Variants in MTERF3 observed in about 807,000 individuals in gnomAD.
MTERF3 encodes the protein transcription termination factor 3, mitochondrial.
In MTERF3, 40 loss-of-function variants were observed where a neutral mutation model predicts 40.5. That is an observed-to-expected ratio of 0.99 (90% CI 0.77 to 1.29). The LOEUF is 1.29. Ranked by LOEUF, MTERF3 falls within the 50% of genes most tolerant of loss-of-function variation. MTERF3 has a pLI of 0.00. For synonymous variants in MTERF3, 158 were observed against 166.6 expected (o/e 0.95, Z 0.40); for missense variants, 452 against 478.2 (o/e 0.95, Z 0.51).
At chr8:96,252,500 G>T (rs1411818781) in intron 3 of MTERF3, among the ~76,000 whole-genome samples, 1 of 152,198 alleles carries the variant, frequency 6.6e-6, no homozygotes, top group Non-Finnish European at 1.5e-5. Flanking sequence ...GGTCTGGAAA[G>T]CTATTCCACA....
intron 7 of MTERF3, 117 bp from the exon 8 acceptor site, chr8:96,239,802 CAGTA>C (rs1477776441): frequency 2.7e-6 from 2 of 743,072 alleles, no homozygotes; most frequent in East Asian, 5.3e-5. Context: ...ACCATGTGTT[CAGTA>C]AGTAGGATAA....
chr8:96,259,283 T>C (rs1810337601), intron 1 of MTERF3, among the ~76,000 whole-genome samples: 1 of 152,258 alleles, frequency 6.6e-6, no homozygotes, highest in Non-Finnish European at 1.5e-5. Context: ...TTCTCAGGGC[T>C]GAACACTGTT....
At chr8:96,241,203 A>G (rs1288724299) in intron 7 of MTERF3, among the ~76,000 whole-genome samples, 1 of 152,076 alleles carries the variant, frequency 6.6e-6, no homozygotes, top group East Asian at 1.9e-4. Context: ...CGAAGTCAAG[A>G]GTTTGAGACC....
rs983153830 is a variant in MTERF3 at position 96,255,660 on chromosome 8, C to G, written c.487+1302G>C. Among the ~76,000 whole-genome samples, 13 of 148,454 alleles carry G rather than the reference C, an allele frequency of 8.8e-5. No individual in the cohort carries two copies. The South Asian group carries it at 2.8e-3, about 32-fold the overall frequency. ...TGAAGAAAAAAAAAAAAAAAAAAAT[C>G]AAGGATGACCCCCAAAGTTTCTAAC... On this transcript the variant is annotated intron_variant, in intron 3 of 7. Transcript: ENST00000287025.
intron 6 of MTERF3, among the ~76,000 whole-genome samples, 193 bp from the exon 7 acceptor site, chr8:96,244,273 T>C (rs1049955018): frequency 6.6e-6 from 1 of 152,022 alleles, no homozygotes; most frequent in Admixed American, 6.6e-5. Flanking sequence ...CACACCTGGC[T>C]AATTCTTGTA....
At chr8:96,249,337 G>C (rs971128915) in intron 4 of MTERF3, among the ~76,000 whole-genome samples, 2 of 152,118 alleles carry the variant, frequency 1.3e-5, no homozygotes, top group African/African-American at 2.4e-5. Flanking sequence ...TGCTTTCTTG[G>C]AATAAATCTT....
At chr8:96,239,398 A>G, downstream of MTERF3, 1 of 995,388 alleles carries the variant, frequency 1.0e-6, no homozygotes, top group Admixed American at 3.4e-5. Flanking sequence ...AATGGTTTCC[A>G]ATATCAGTTG....
intron 2 of MTERF3, chr8:96,258,154 A>G (rs1198222431): frequency 1.3e-6 from 1 of 759,450 alleles, no homozygotes; most frequent in Non-Finnish European, 1.6e-6. Context: ...TAGCTATAAA[A>G]TAATCTTACA....
In MTERF3 at chr8:96,250,671, GAAGA is replaced by G. The variant is rs1563549005; in HGVS notation, c.677+231_677+234del. ...AGAAGAAGAAGAAGAAGAAGAAGAA[GAAGA>G]AGAAGAAGGAGGAGGAGGAGGGGGG... On this transcript the variant is annotated intron_variant, in intron 4 of 7. Transcript: ENST00000287025. Among the ~76,000 whole-genome samples the G allele has an allele frequency of 8.9e-3, 377 of 42,284 alleles. 81 individuals are homozygous for G. Among genetic ancestry groups the G allele is most frequent in the African/African-American group, 0.037 (351 of 9,434 alleles). 27.7% of individuals were successfully genotyped at this position (42,284 alleles called of 152,430 possible). A position where few individuals can be genotyped will look rare whatever the true frequency, so the allele number is the denominator to read the frequency against.
At position 96,246,414 on chromosome 8, in the gene MTERF3, C is replaced by T. The variant is rs563171694; in HGVS notation, c.718G>A (p.Val240Ile). The T allele has an allele frequency of 6.2e-7, 1 of 1,612,180 alleles. No homozygotes were observed. The highest frequency in any genetic ancestry group is 1.1e-5 in the South Asian group (1 of 90,804). The part of the protein sequence containing the change: ...LHSKNFSKAD[V>I]AQMVRKAPFL... ...GGTGCTTTTCTGACCATCTGTGCAA[C>T]ATCTGCTTTACTGAAATTTTTTGAA... is the stretch of plus-strand genomic sequence containing the variant. The change falls in exon 5 of 8, where the codon GTT becomes ATT. Residue 240 changes from valine to isoleucine, a missense_variant. Transcript: ENST00000287025.
chr8:96,259,913 ATTT>A (rs962074104), intron 1 of MTERF3, among the ~76,000 whole-genome samples: 27 of 150,396 alleles, frequency 1.8e-4, no homozygotes, highest in South Asian at 2.1e-4. Context: ...TATTATTATT[ATTT>A]TTTTTGAGAC....
intron 2 of MTERF3, chr8:96,257,339 C>T (rs915551926): frequency 2.7e-6 from 1 of 372,970 alleles, no homozygotes; most frequent in African/African-American, 2.1e-5. Flanking sequence ...TGGTAAATTT[C>T]AAAGCACACA....
chr8:96,255,669 C>A (rs1378217824), intron 3 of MTERF3, among the ~76,000 whole-genome samples: 1 of 151,150 alleles, frequency 6.6e-6, no homozygotes, highest in Non-Finnish European at 1.5e-5. Flanking sequence ...TCAAGGATGA[C>A]CCCCAAAGTT....
Position 96,258,389 on chromosome 8 carries a change from A to G in MTERF3, c.302T>C (p.Ile101Thr), listed in dbSNP as rs767538840. Reference sequence around the variant, plus strand: ...AAACAGCTCAGAATCAAAGCTGGATATATTTTGTGTCTTCTGTGACTGTTC... The same window carrying G: ...AAACAGCTCAGAATCAAAGCTGGATGTATTTTGTGTCTTCTGTGACTGTTC... ...MNEQSQKTQN[I>T]SSFDSELFLE... is the part of the protein sequence containing the mutation. Residue 101 changes from isoleucine to threonine, a missense_variant, in exon 2 of 8, where the codon ATA (isoleucine) becomes ACA (threonine). Ile to Thr is a moderately conservative substitution (Grantham distance 89). Transcript: ENST00000287025. 3.7e-6 allele frequency: 6 copies of G among 1,613,400 alleles called. No individual in the cohort carries two copies. The highest frequency in any genetic ancestry group is 5.1e-6 in the Non-Finnish European group (6 of 1,179,398).
intron 7 of MTERF3, among the ~76,000 whole-genome samples, chr8:96,240,793 G>A (rs891706442): frequency 2.0e-5 from 3 of 151,920 alleles, no homozygotes. Flanking sequence ...GTGAACACGG[G>A]ATGCGTTCAC....
chr8:96,240,162 T>C (rs890236909), intron 7 of MTERF3, among the ~76,000 whole-genome samples: 4 of 151,134 alleles, frequency 2.6e-5, no homozygotes, highest in African/African-American at 9.7e-5. Flanking sequence ...GCAGGAGAAT[T>C]GGTTGAACCC....
At chr8:96,252,742 A>G (rs1479213275) in intron 3 of MTERF3, among the ~76,000 whole-genome samples, 1 of 152,264 alleles carries the variant, frequency 6.6e-6, no homozygotes, top group Non-Finnish European at 1.5e-5. Flanking sequence ...AAAATAACAT[A>G]AAGGGTTCAG....
chr8:96,245,330 T>C (rs1205449028), intron 6 of MTERF3, among the ~76,000 whole-genome samples: 1 of 152,236 alleles, frequency 6.6e-6, no homozygotes, highest in Non-Finnish European at 1.5e-5. Flanking sequence ...TCTTATTCTC[T>C]TGGAGGAAGG....
chr8:96,239,873 A>C (rs1303916848), intron 7 of MTERF3, 188 bp from the exon 8 acceptor site: 2 of 701,234 alleles, frequency 2.9e-6, no homozygotes, highest in African/African-American at 3.5e-5. Context: ...AAGGGATTCA[A>C]AATCAACATA....
Sources: gnomAD v4.1 joint callset for allele counts (sites outside exome capture counted in the v4.1 genomes callset) on GRCh38, gnomAD v4.1.1 for gene constraint, MANE v1.5 for transcripts, NCBI Gene and HGNC (gene_info 2026-07-23, HGNC 2026-07-21) for gene names.